Variants in SYTL3 observed in about 807,000 individuals in gnomAD.
SYTL3 encodes the protein synaptotagmin-like protein 3.
A neutral mutation model predicts 82.1 loss-of-function variants in SYTL3; 88 were observed. That is an observed-to-expected ratio of 1.07 (90% CI 0.90 to 1.28). SYTL3 has a LOEUF of 1.28. SYTL3 is among the 50% of genes most tolerant of loss of function. The probability of loss-of-function intolerance (pLI) is 0.00; values close to 1 mark genes in which losing one functional copy is unlikely to be tolerated. For synonymous variants in SYTL3, 311 were observed against 289.4 expected (o/e 1.07, Z -0.76); for missense variants, 831 against 757.6 (o/e 1.10, Z -1.14).
At chr6:158,735,023 C>T (rs952611325) in intron 11 of SYTL3, among the ~76,000 whole-genome samples, 3 of 152,086 alleles carry the variant, frequency 2.0e-5, no homozygotes, top group South Asian at 2.1e-4. Context: ...GAGTCCATAC[C>T]GGGGAGTCCA....
At chr6:158,729,687 C>T (rs1252513735) in intron 11 of SYTL3, among the ~76,000 whole-genome samples, 2 of 151,600 alleles carry the variant, frequency 1.3e-5, no homozygotes, top group Non-Finnish European at 2.9e-5. Context: ...CTGCCTCAGC[C>T]TCCTGAGTAG....
At chr6:158,736,030 A>G (rs1786103672) in intron 11 of SYTL3, among the ~76,000 whole-genome samples, 1 of 152,244 alleles carries the variant, frequency 6.6e-6, no homozygotes, top group African/African-American at 2.4e-5. Flanking sequence ...CCCAGACAGC[A>G]TTGTTTATAA....
chr6:158,657,941 G>A (rs149793829), intron 2 of SYTL3, among the ~76,000 whole-genome samples: 3,107 of 151,200 alleles, frequency 0.021, 108 homozygotes, highest in African/African-American at 0.07. Flanking sequence ...CGCCCAGGCT[G>A]GAGTGCAGTG....
At chr6:158,736,751 G>A (rs1454424133) in intron 11 of SYTL3, among the ~76,000 whole-genome samples, 1 of 146,894 alleles carries the variant, frequency 6.8e-6, no homozygotes, top group Non-Finnish European at 1.5e-5. Flanking sequence ...TCGTGCCATT[G>A]TACTCCAGCC....
intron 8 of SYTL3, among the ~76,000 whole-genome samples, chr6:158,710,974 G>A (rs1429369595): frequency 3.9e-5 from 6 of 152,064 alleles, no homozygotes; most frequent in African/African-American, 1.4e-4. Context: ...AGTAGAGACG[G>A]GGTTTCACTA....
In SYTL3 at chr6:158,668,386, G is replaced by A. The variant is rs538872332; in HGVS notation, c.329+2773G>A. 1.2e-4 allele frequency among the ~76,000 whole-genome samples: 19 copies of A among 152,250 alleles called. 1 individual carries two copies. Among genetic ancestry groups the A allele is most frequent in the Admixed American group, 9.8e-4 (15 of 15,298 alleles). ...TGGGATTGCAGGCACCTGCTGCCAC[G>A]CCTGGCTAATTTTTATATTTTTAGC... On this transcript the variant is annotated intron_variant, in intron 5 of 17. Transcript: ENST00000611299.
intron 6 of SYTL3, among the ~76,000 whole-genome samples, chr6:158,705,186 CTGTAAGG>C: frequency 2.0e-5 from 1 of 50,174 alleles, no homozygotes. Flanking sequence ...ACAGTGAGGG[CTGTAAGG>C]CCACATAGGG....
intron 5 of SYTL3, among the ~76,000 whole-genome samples, chr6:158,681,534 C>T (rs1199995710): frequency 2.6e-5 from 4 of 152,006 alleles, no homozygotes; most frequent in African/African-American, 4.8e-5. Flanking sequence ...AAAAATTAGC[C>T]GGGTGTGGTG....
At chr6:158,682,617 C>A (rs1382856412) in intron 5 of SYTL3, among the ~76,000 whole-genome samples, 1 of 152,118 alleles carries the variant, frequency 6.6e-6, no homozygotes, top group Non-Finnish European at 1.5e-5. Context: ...CCTCGGCCTC[C>A]CAAAGTGCTG....
intron 12 of SYTL3, 63 bp from the exon 13 acceptor site, chr6:158,751,865 C>G: frequency 7.8e-7 from 1 of 1,285,952 alleles, no homozygotes; most frequent in Non-Finnish European, 1.1e-6. Context: ...CTGCTGCCCC[C>G]AAACTCTTTA....
intron 11 of SYTL3, among the ~76,000 whole-genome samples, chr6:158,735,247 A>G (rs1035698490): frequency 6.6e-6 from 1 of 152,148 alleles, no homozygotes; most frequent in East Asian, 1.9e-4. Flanking sequence ...ATTTGTTTTT[A>G]ACAGCCCCAT....
chr6:158,728,498 G>C (rs1171282218), intron 11 of SYTL3, among the ~76,000 whole-genome samples: 1 of 152,186 alleles, frequency 6.6e-6, no homozygotes, highest in Non-Finnish European at 1.5e-5. Flanking sequence ...ACTATCCTGA[G>C]TACTGTATCT....
intron 11 of SYTL3, among the ~76,000 whole-genome samples, chr6:158,734,494 C>G (rs576264587): frequency 1.3e-5 from 2 of 152,304 alleles, no homozygotes; most frequent in South Asian, 4.2e-4. Context: ...TCATTCCACT[C>G]AGCTGCAGGG....
intron 11 of SYTL3, 78 bp downstream of exon 11, chr6:158,725,715 T>C: frequency 2.0e-6 from 3 of 1,530,256 alleles, no homozygotes; most frequent in Non-Finnish European, 2.7e-6. Flanking sequence ...AAGTCCTTAT[T>C]TCAATTACTC....
At position 158,713,779 on chromosome 6, in the gene SYTL3, C is replaced by T. The variant is rs200311620; in HGVS notation, c.517-21C>T. On this transcript the variant is annotated intron_variant, in intron 8 of 17. Coordinates refer to ENST00000611299, the MANE Select transcript of SYTL3 (RefSeq NM_001242394.2). ...AGTCATCAAGCATAATTCTCATTCT[C>T]TCCTTCTGTCTCTGTTTTAGTTACA... 679 of 1,509,182 alleles carry T rather than the reference C, an allele frequency of 4.5e-4. 2 individuals are homozygous for T. The highest frequency in any genetic ancestry group is 6.0e-4 in the Non-Finnish European group (669 of 1,108,758). The allele number at this position is 1,509,182 out of a possible 1,614,324, so 93.5% of individuals were successfully genotyped here. A position where few individuals can be genotyped will look rare whatever the true frequency, so the allele number is the denominator to read the frequency against.
At chr6:158,675,040 C>T (rs1777869840) in intron 5 of SYTL3, among the ~76,000 whole-genome samples, 1 of 152,078 alleles carries the variant, frequency 6.6e-6, no homozygotes, top group African/African-American at 2.4e-5. Flanking sequence ...CTTCCTTACA[C>T]CTTATACAAA....
chr6:158,749,507 CTTTTTTTT>C (rs765386344), intron 12 of SYTL3, among the ~76,000 whole-genome samples: 10 of 66,024 alleles, frequency 1.5e-4, no homozygotes, highest in Non-Finnish European at 2.8e-4. Context: ...TTCTTTCTCT[CTTTTTTTT>C]TTTTTTTTTT....
At chr6:158,694,816 G>T (rs1439245458) in intron 6 of SYTL3, among the ~76,000 whole-genome samples, 1 of 152,060 alleles carries the variant, frequency 6.6e-6, no homozygotes, top group Non-Finnish European at 1.5e-5. Flanking sequence ...GTCTCCTGAT[G>T]TCCTCTGAGC....
At chr6:158,692,239 C>G (rs757600818) in intron 6 of SYTL3, among the ~76,000 whole-genome samples, 1 of 102,820 alleles carries the variant, frequency 9.7e-6, no homozygotes, top group Non-Finnish European at 1.8e-5. Flanking sequence ...GCCTGGGCGA[C>G]AGAGCGAGAC....
Sources: gnomAD v4.1 joint callset for allele counts (sites outside exome capture counted in the v4.1 genomes callset) on GRCh38, gnomAD v4.1.1 for gene constraint, MANE v1.5 for transcripts, NCBI Gene and HGNC (gene_info 2026-07-23, HGNC 2026-07-21) for gene names.